Variants in SUDS3 observed in about 807,000 individuals in gnomAD.
SUDS3 encodes the protein SIN3A corepressor complex component SDS3.
SUDS3 carries 23 observed loss-of-function variants against 53.5 expected under a neutral mutation model. The ratio of observed to expected loss-of-function variants is 0.43; its 90% CI spans 0.31 to 0.61. The LOEUF is 0.61. SUDS3 is among the 20% of genes least tolerant of loss of function. The probability of loss-of-function intolerance (pLI) is 0.10; values close to 1 mark genes in which losing one functional copy is unlikely to be tolerated. For synonymous variants in SUDS3, 150 were observed against 148.5 expected, an observed-to-expected ratio of 1.01 and a Z score of -0.08; for missense variants, 291 against 405.9, an observed-to-expected ratio of 0.72 and a Z score of 2.43.
chr12:118,393,044 G>T (rs1016543061), intron 6 of SUDS3, among the ~76,000 whole-genome samples: 9 of 152,234 alleles, frequency 5.9e-5, no homozygotes, highest in African/African-American at 9.6e-5. Context: ...GGCATTAAAG[G>T]TATGGATGTC....
In SUDS3 at chr12:118,414,480, A is replaced by T; in HGVS notation, c.*47A>T. On this transcript the variant is annotated 3_prime_UTR_variant, in exon 12 of 12. Coordinates refer to ENST00000543473, the MANE Select transcript of SUDS3 (RefSeq NM_022491.3). The stretch of plus-strand genomic sequence containing the variant: ...TGACCCTTTTTCTGGAGTGGGTTTT[A>T]TTTTTGTTTTGTTTCGTTTTCTCCT... The T allele has an allele frequency of 7.0e-7, 1 of 1,427,408 alleles. No homozygotes were observed. The highest frequency in any genetic ancestry group is 9.4e-7 in the Non-Finnish European group (1 of 1,066,422). 88.4% of individuals were successfully genotyped at this position (1,427,408 alleles called of 1,614,324 possible).
At position 118,380,206 on chromosome 12, in the gene SUDS3, G is replaced by A; in HGVS notation, c.187G>A (p.Glu63Lys). The part of the protein sequence containing the change: ...SETDLAKHDE[E>K]DYVEMKEQMY... ...AACTGACCTGGCAAAGCATGATGAAGAAGACTATGTAGAAATGAAGGAACA... is the reference window on the plus strand; with the variant it reads ...AACTGACCTGGCAAAGCATGATGAAAAAGACTATGTAGAAATGAAGGAACA... Residue 63 changes from glutamate to lysine, a missense_variant, in exon 2 of 12, where the codon GAA becomes AAA. By Grantham distance (56) the Glu-to-Lys change is moderately conservative. This residue lies in a region of SUDS3 where 149 missense variants were observed against 146.5 expected (regional missense o/e 1.02). Coordinates refer to ENST00000543473, the MANE Select transcript of SUDS3 (RefSeq NM_022491.3). 1.9e-6 allele frequency: 3 copies of A among 1,608,786 alleles called. No homozygotes were observed. The highest frequency in any genetic ancestry group is 1.1e-5 in the South Asian group (1 of 89,612).
At chr12:118,405,152 A>T (rs1005146553) in intron 10 of SUDS3, among the ~76,000 whole-genome samples, 1 of 152,258 alleles carries the variant, frequency 6.6e-6, no homozygotes, top group African/African-American at 2.4e-5. Flanking sequence ...GCAAAATGAG[A>T]TGAAAAATGT....
At chr12:118,382,867 C>T (rs543260220) in intron 2 of SUDS3, among the ~76,000 whole-genome samples, 2 of 151,710 alleles carry the variant, frequency 1.3e-5, no homozygotes, top group South Asian at 4.2e-4. Context: ...AGGGTTTCAC[C>T]ATGTTGGCCA....
At chr12:118,396,740 G>T (rs976881266) in intron 6 of SUDS3, among the ~76,000 whole-genome samples, 2 of 152,220 alleles carry the variant, frequency 1.3e-5, no homozygotes, top group Non-Finnish European at 2.9e-5. Context: ...ACAGCAAAAG[G>T]CCAGCCAGTA....
intron 6 of SUDS3, among the ~76,000 whole-genome samples, chr12:118,399,863 T>C (rs941037243): frequency 1.3e-5 from 2 of 152,120 alleles, no homozygotes; most frequent in Admixed American, 6.5e-5. Flanking sequence ...CTATTGCCAT[T>C]CAGAGGGATG....
At chr12:118,376,972 G>C in intron 1 of SUDS3, 139 bp downstream of exon 1, 1 of 1,163,432 alleles carries the variant, frequency 8.6e-7, no homozygotes, top group South Asian at 1.9e-5. Flanking sequence ...TGCGGGGCTC[G>C]GGGAAGTTAC....
intron 4 of SUDS3, among the ~76,000 whole-genome samples, chr12:118,389,650 G>A (rs1386484080): frequency 6.6e-6 from 1 of 151,976 alleles, no homozygotes; most frequent in Non-Finnish European, 1.5e-5. Context: ...CGAGTAGTTG[G>A]GATTACAGGC....
intron 3 of SUDS3, among the ~76,000 whole-genome samples, chr12:118,385,734 C>T (rs2046109274): frequency 6.6e-6 from 1 of 152,202 alleles, no homozygotes; most frequent in South Asian, 2.1e-4. Context: ...AAATATAAAA[C>T]ACACCATTGC....
At chr12:118,383,776 G>A (rs1706162127) in intron 2 of SUDS3, among the ~76,000 whole-genome samples, 1 of 152,172 alleles carries the variant, frequency 6.6e-6, no homozygotes, top group Non-Finnish European at 1.5e-5. Flanking sequence ...GGGATAACAT[G>A]GGAGAATCTA....
chr12:118,414,201 T>C (rs2046381474), intron 11 of SUDS3, 134 bp from the exon 12 acceptor site: 2 of 669,798 alleles, frequency 3.0e-6, no homozygotes, highest in Non-Finnish European at 4.9e-6. Context: ...CCCTCACAAG[T>C]TGAGACAGTT....
chr12:118,395,718 G>A (rs1250364358), intron 6 of SUDS3, among the ~76,000 whole-genome samples: 1 of 152,016 alleles, frequency 6.6e-6, no homozygotes, highest in Admixed American at 6.6e-5. Context: ...TTGAGACGTA[G>A]TCTAGCTCTG....
chr12:118,399,811 CT>C (rs1749913855), intron 6 of SUDS3, among the ~76,000 whole-genome samples: 1 of 151,988 alleles, frequency 6.6e-6, no homozygotes, highest in African/African-American at 2.4e-5. Context: ...ACGAGGAGAA[CT>C]GAGTTTTTGT....
intron 5 of SUDS3, among the ~76,000 whole-genome samples, chr12:118,390,671 A>G (rs2046157827): frequency 6.6e-6 from 1 of 152,210 alleles, no homozygotes; most frequent in Admixed American, 6.5e-5. Context: ...GCGGAGGCAT[A>G]TACAATTTTT....
intron 10 of SUDS3, among the ~76,000 whole-genome samples, 173 bp from the exon 11 acceptor site, chr12:118,410,900 G>A (rs1005281254): frequency 2.6e-5 from 4 of 152,046 alleles, no homozygotes; most frequent in Non-Finnish European, 5.9e-5. Flanking sequence ...CCTGGCCTCA[G>A]GATGGAAGCC....
chr12:118,387,521 A>C (rs1366246654), intron 4 of SUDS3, among the ~76,000 whole-genome samples: 2 of 151,856 alleles, frequency 1.3e-5, no homozygotes, highest in African/African-American at 4.8e-5. Flanking sequence ...GTTTTTCTTC[A>C]TTCTGCTCAG....
At chr12:118,383,447 C>G (rs2046086060) in intron 2 of SUDS3, among the ~76,000 whole-genome samples, 1 of 152,196 alleles carries the variant, frequency 6.6e-6, no homozygotes, top group Non-Finnish European at 1.5e-5. Context: ...GTATTCCCAT[C>G]CAGCTGGGGC....
intron 1 of SUDS3, among the ~76,000 whole-genome samples, chr12:118,377,779 C>G (rs1466191152): frequency 6.6e-6 from 1 of 152,126 alleles, no homozygotes; most frequent in African/African-American, 2.4e-5. Flanking sequence ...TATTCTGGGA[C>G]AAAATCGGGC....
intron 11 of SUDS3, among the ~76,000 whole-genome samples, chr12:118,412,662 G>A (rs2046369047): frequency 6.6e-6 from 1 of 152,110 alleles, no homozygotes; most frequent in African/African-American, 2.4e-5. Flanking sequence ...AGCACATGTG[G>A]CCTTCTAGTA....
Sources: gnomAD v4.1 joint callset for allele counts (sites outside exome capture counted in the v4.1 genomes callset) on GRCh38, gnomAD v4.1.1 for gene constraint, gnomAD v4.1.1 regional missense constraint, MANE v1.5 for transcripts, NCBI Gene and HGNC (gene_info 2026-07-23, HGNC 2026-07-21) for gene names.